Variants in AFG2A observed in about 807,000 individuals in gnomAD.
AFG2A encodes the protein AAA ATPase AFG2A.
the AFG2A span, among the ~76,000 whole-genome samples, chr4:123,208,385 G>A: frequency 7.2e-5 from 11 of 152,086 alleles, no homozygotes; most frequent in African/African-American, 2.7e-4. Context: ...TTGGCCATGG[G>A]TTCTTAGATA....
the AFG2A span, chr4:123,314,127 T>A: frequency 1.3e-4 from 176 of 1,402,900 alleles, no homozygotes; most frequent in Middle Eastern, 2.1e-3. Context: ...CTTTTTAAAA[T>A]TTTTTGAGAG....
chr4:123,085,080 A>G, the AFG2A span, among the ~76,000 whole-genome samples: 2 of 151,900 alleles, frequency 1.3e-5, no homozygotes, highest in African/African-American at 4.8e-5. Flanking sequence ...CTGAAAGCAG[A>G]CATTCTATGA....
At chr4:123,030,178 G>A in the AFG2A span, among the ~76,000 whole-genome samples, 3 of 152,130 alleles carry the variant, frequency 2.0e-5, no homozygotes, top group East Asian at 3.9e-4. Context: ...ATTTATTTAA[G>A]AACCTGTGAG....
chr4:123,138,047 T>A, the AFG2A span, among the ~76,000 whole-genome samples: 2 of 152,204 alleles, frequency 1.3e-5, no homozygotes, highest in Non-Finnish European at 2.9e-5. Flanking sequence ...TAGCCCACAC[T>A]TCTCTTAATC....
At chr4:123,114,382 C>G in the AFG2A span, among the ~76,000 whole-genome samples, 1 of 152,180 alleles carries the variant, frequency 6.6e-6, no homozygotes, top group East Asian at 1.9e-4. Flanking sequence ...GCCCATCACA[C>G]CCAGGCTGCT....
the AFG2A span, among the ~76,000 whole-genome samples, chr4:123,165,622 C>T: frequency 6.6e-6 from 1 of 151,872 alleles, no homozygotes; most frequent in South Asian, 2.1e-4. Context: ...AATATGGCTA[C>T]TCATATGTAA....
the AFG2A span, among the ~76,000 whole-genome samples, chr4:122,983,320 G>T: frequency 2.0e-5 from 3 of 151,794 alleles, no homozygotes; most frequent in Non-Finnish European, 4.4e-5. Flanking sequence ...TTTCTGCTCT[G>T]ATCTTTAGTA....
the AFG2A span, among the ~76,000 whole-genome samples, chr4:123,143,628 A>G: frequency 6.6e-6 from 1 of 152,042 alleles, no homozygotes. Context: ...CTAAGAGGAA[A>G]TAAGGAGAAA....
chr4:123,012,349 T>TGGAGAGAAGGAAGGGTAGAGACAC, the AFG2A span, among the ~76,000 whole-genome samples: 4 of 105,872 alleles, frequency 3.8e-5, no homozygotes, highest in Middle Eastern at 6.7e-3. Context: ...CCCAGGAAAG[T>TGGAGAGAAGGAAGGGTAGAGACAC]GGAGAGAAGG....
At chr4:122,935,101 T>C in the AFG2A span, among the ~76,000 whole-genome samples, 1 of 152,168 alleles carries the variant, frequency 6.6e-6, no homozygotes, top group Admixed American at 6.5e-5. Flanking sequence ...TGTGTACCCA[T>C]CTCTTTGCAC....
the AFG2A span, among the ~76,000 whole-genome samples, chr4:123,114,861 G>C: frequency 3.3e-5 from 5 of 152,240 alleles, no homozygotes; most frequent in African/African-American, 1.2e-4. Context: ...AAACAAACCC[G>C]ATGCTCCCAG....
At chr4:123,279,213 C>T in the AFG2A span, among the ~76,000 whole-genome samples, 4 of 152,024 alleles carry the variant, frequency 2.6e-5, no homozygotes, top group Admixed American at 6.6e-5. Context: ...GTCAGGAATT[C>T]GAGACCAGCC....
At chr4:122,988,663 G>A in the AFG2A span, among the ~76,000 whole-genome samples, 2 of 152,038 alleles carry the variant, frequency 1.3e-5, no homozygotes. Flanking sequence ...CTAAAGTGCT[G>A]GGGTTACAGG....
At chr4:122,939,075 CTTTTTT>C in the AFG2A span, among the ~76,000 whole-genome samples, 1 of 102,226 alleles carries the variant, frequency 9.8e-6, no homozygotes, top group South Asian at 3.7e-4. Context: ...TATGTTCTTT[CTTTTTT>C]TTTTTTTTTT....
the AFG2A span, among the ~76,000 whole-genome samples, chr4:122,926,932 A>G: frequency 6.6e-6 from 1 of 152,150 alleles, no homozygotes; most frequent in South Asian, 2.1e-4. Context: ...ACAAATGAAT[A>G]TTATGGTAAA....
At chr4:123,110,260 G>A in the AFG2A span, among the ~76,000 whole-genome samples, 1 of 152,058 alleles carries the variant, frequency 6.6e-6, no homozygotes, top group African/African-American at 2.4e-5. Context: ...TCATGACTGT[G>A]TTTTGGTGAT....
At chr4:122,923,821 C>T in the AFG2A span, among the ~76,000 whole-genome samples, 1 of 152,048 alleles carries the variant, frequency 6.6e-6, no homozygotes, top group Non-Finnish European at 1.5e-5. Context: ...AAGCCGTGAC[C>T]GATGGGTATA....
chr4:123,261,218 T>C, the AFG2A span, among the ~76,000 whole-genome samples: 1 of 152,156 alleles, frequency 6.6e-6, no homozygotes, highest in African/African-American at 2.4e-5. Context: ...TATGAAAACA[T>C]GCTGCTATCA....
chr4:123,159,987 A>T, the AFG2A span, among the ~76,000 whole-genome samples: 1 of 152,120 alleles, frequency 6.6e-6, no homozygotes, highest in South Asian at 2.1e-4. Context: ...CATGGGTGTG[A>T]ATAATTATGG....
Sources: allele counts gnomAD v4.1 joint callset (sites outside exome capture counted in the v4.1 genomes callset), GRCh38; gene constraint gnomAD v4.1.1; transcripts MANE v1.5; gene names NCBI Gene and HGNC (gene_info 2026-07-23, HGNC 2026-07-21).